The following KCNC1 variants were observed in gnomAD, a reference collection of about 807,000 sequenced individuals.
KCNC1 encodes the protein potassium voltage-gated channel subfamily C member 1, also known as voltage-gated potassium channel KCNC1.
Under a neutral mutation model 43.4 loss-of-function variants are expected in KCNC1, and 8 were observed. The observed-to-expected ratio is 0.18, with a 90% CI of 0.11 to 0.33. The LOEUF (loss-of-function observed/expected upper bound fraction) is 0.33. Among genes scored for constraint, KCNC1 ranks in the 10% least tolerant of loss-of-function variants. The pLI, the probability that KCNC1 is intolerant of heterozygous loss-of-function variation, is 1.00. For missense variants in KCNC1, 420 were observed against 836.0 expected, an observed-to-expected ratio of 0.50 and a Z score of 6.14; for synonymous variants, 361 against 360.5, an observed-to-expected ratio of 1.00 and a Z score of -0.01.
chr11:17,757,694 T>A (rs1849036700), intron 1 of KCNC1, among the ~76,000 whole-genome samples: 1 of 152,252 alleles, frequency 6.6e-6, no homozygotes, highest in African/African-American at 2.4e-5. Flanking sequence ...TCACATATTT[T>A]TTGGTTTCTC....
Position 17,737,445 on chromosome 11 carries a change from CA to C in KCNC1, c.570+874del, listed in dbSNP as rs978575858. ...TCTTCATGGGCCACTCCCCTATAGC[CA>C]TACCAGCTTGTTCCTAGGAAGAAAG... On this transcript the variant is annotated intron_variant, in intron 1 of 3. Coordinates refer to ENST00000265969, the MANE Select transcript of KCNC1 (RefSeq NM_001112741.2). Among the ~76,000 whole-genome samples the C allele has an allele frequency of 6.7e-4, 102 of 152,190 alleles. 1 individual carries two copies. Among genetic ancestry groups the C allele is most frequent in the African/African-American group, 2.3e-3 (95 of 41,524 alleles).
At position 17,736,062 on chromosome 11, in the gene KCNC1, G is replaced by A. The variant is rs993728478; in HGVS notation, c.60G>A (p.Gln20=). 20 of 1,590,722 alleles carry A rather than the reference G, an allele frequency of 1.3e-5. No homozygotes were observed. The African/African-American group carries it at 2.6e-4, about 20-fold the overall frequency. Residue 20 remains glutamine (Q), a synonymous_variant, in exon 1 of 4, where the codon CAG becomes CAA. Transcript: ENST00000265969. The surrounding 1 kb of genome is among the most constrained non-coding windows in gnomAD (Gnocchi z 9.3). ...IVINVGGTRH[Q]TYRSTLRTLP... The stretch of plus-strand genomic sequence containing the variant: ...TCAACGTGGGCGGCACGCGCCACCA[G>A]ACGTACCGCTCGACCCTGCGCACGC...
chr11:17,755,059 G>A (rs1849008853), intron 1 of KCNC1, among the ~76,000 whole-genome samples: 1 of 152,170 alleles, frequency 6.6e-6, no homozygotes, highest in Non-Finnish European at 1.5e-5. Flanking sequence ...TTGAAATAGG[G>A]TGGTCAGAAG....
rs560623869 is a variant in KCNC1, at chr11:17,773,945, G to A, written c.1504+1347G>A. 1.0e-4 allele frequency: 101 copies of A among 985,376 alleles called. No individual in the cohort carries two copies. The highest frequency in any genetic ancestry group is 1.2e-4 in the Admixed American group (2 of 16,270). 61.0% of individuals were successfully genotyped at this position (985,376 alleles called of 1,614,324 possible). A position where few individuals can be genotyped will look rare whatever the true frequency, so the allele number is the denominator to read the frequency against. The stretch of plus-strand genomic sequence containing the variant: ...GCCCCAGGTGGGGAAGTTTCCCCCT[G>A]GTTTGGGTGGCCTCCCCCAGTGGAT... On this transcript the variant is annotated intron_variant, in intron 2 of 3. Transcript: ENST00000265969. The surrounding 1 kb of genome is among the most constrained non-coding windows in gnomAD (Gnocchi z 4.1).
intron 2 of KCNC1, chr11:17,775,281 T>TTCCCACC: frequency 7.5e-6 from 7 of 935,812 alleles, no homozygotes; most frequent in Non-Finnish European, 8.9e-6. Flanking sequence ...TCTGAGGGCA[T>TTCCCACC]CCCTCCCGCC....
chr11:17,776,594 C>T lies in KCNC1; in HGVS notation c.1505-2862C>T, dbSNP rs965922336. 9.1e-6 allele frequency: 9 copies of T among 985,434 alleles called. No individual in the cohort carries two copies. Among genetic ancestry groups the T allele is most frequent in the African/African-American group, 8.7e-5 (5 of 57,366 alleles). The allele number at this position is 985,434 out of a possible 1,614,324, so 61.0% of individuals were successfully genotyped here. A position where few individuals can be genotyped will look rare whatever the true frequency, so the allele number is the denominator to read the frequency against. On this transcript the variant is annotated intron_variant, in intron 2 of 3. Coordinates refer to ENST00000265969, the MANE Select transcript of KCNC1 (RefSeq NM_001112741.2). This position sits in a 1 kb window ranked among gnomAD's most constrained non-coding sequence, Gnocchi z 4.4. ...TCAAGCCTGGAAACCATCTCTGAGA[C>T]GCTGCCCATGCTGCCATTTCATCAC...
intron 1 of KCNC1, among the ~76,000 whole-genome samples, chr11:17,754,566 G>C (rs144899093): frequency 1.4e-3 from 216 of 152,316 alleles, no homozygotes; most frequent in African/African-American, 4.8e-3. Context: ...AGGGAGTGAG[G>C]CAAGTGGACA....
rs1848772518 is a variant in KCNC1 at position 17,736,735 on chromosome 11, C to A, written c.570+163C>A. Among the ~76,000 whole-genome samples, 1 of 152,092 alleles carries A rather than the reference C, an allele frequency of 6.6e-6. No individual in the cohort carries two copies. Among genetic ancestry groups the A allele is most frequent in the Admixed American group, 6.5e-5 (1 of 15,274 alleles). ...ACCAGGGTAAGAGAGGAAGGGTGTC[C>A]GCCGGGGTTCTGGTTTTCTATGTAT... On this transcript the variant is annotated intron_variant, in intron 1 of 3. Transcript: ENST00000265969. The surrounding 1 kb of genome is among the most constrained non-coding windows in gnomAD (Gnocchi z 9.3).
chr11:17,774,074 G>A, intron 2 of KCNC1: 2 of 985,508 alleles, frequency 2.0e-6, no homozygotes, highest in Non-Finnish European at 2.4e-6. Context: ...CTACCCTCAA[G>A]GCCCATTTCT....
chr11:17,781,520 A>C lies in KCNC1; in HGVS notation c.1694-150A>C, dbSNP rs1849346430. On this transcript the variant is annotated intron_variant, in intron 3 of 3. Coordinates refer to ENST00000265969, the MANE Select transcript of KCNC1 (RefSeq NM_001112741.2). This position sits in a 1 kb window ranked among gnomAD's most constrained non-coding sequence, Gnocchi z 5.1. ...GAGGCGTGCTAGGCTGGCTCAGTGC[A>C]TGGGCAAACCAAGCCAGCTGGAGAA... 1 of 638,276 alleles carries C rather than the reference A, an allele frequency of 1.6e-6. No individual in the cohort carries two copies. Among genetic ancestry groups the C allele is most frequent in the African/African-American group, 1.8e-5 (1 of 55,324 alleles). The allele number at this position is 638,276 out of a possible 1,614,324, so 39.5% of individuals were successfully genotyped here. A position where few individuals can be genotyped will look rare whatever the true frequency, so the allele number is the denominator to read the frequency against.
Position 17,739,843 on chromosome 11 carries a change from C to A in KCNC1, c.570+3271C>A, listed in dbSNP as rs2133777897. Among the ~76,000 whole-genome samples the A allele has an allele frequency of 6.6e-6, 1 of 151,972 alleles. No homozygotes were observed. Among genetic ancestry groups the A allele is most frequent in the East Asian group, 1.9e-4 (1 of 5,164 alleles). On this transcript the variant is annotated intron_variant, in intron 1 of 3. Coordinates refer to ENST00000265969, the MANE Select transcript of KCNC1 (RefSeq NM_001112741.2). This position sits in a 1 kb window ranked among gnomAD's most constrained non-coding sequence, Gnocchi z 4.2. ...AGTGTACGTGATGTGTGTGAGAACC[C>A]ACGTGTGTGTCAGTGTGCTGTGTGT...
At position 17,739,695 on chromosome 11, in the gene KCNC1, G is replaced by T. The variant is rs573587070; in HGVS notation, c.570+3123G>T. ...AGTCTGTGTGTGTGTGTGTGTGTGT[G>T]TGTGTGTACATGCGTGTACACATAA... On this transcript the variant is annotated intron_variant, in intron 1 of 3. Coordinates refer to ENST00000265969, the MANE Select transcript of KCNC1 (RefSeq NM_001112741.2). This position sits in a 1 kb window ranked among gnomAD's most constrained non-coding sequence, Gnocchi z 4.2. 6.6e-6 allele frequency among the ~76,000 whole-genome samples: 1 copy of T among 151,866 alleles called. No individual in the cohort carries two copies. The highest frequency in any genetic ancestry group is 6.6e-5 in the Admixed American group (1 of 15,248).
chr11:17,774,710 A>AG (rs1468177816), intron 2 of KCNC1: 9 of 985,236 alleles, frequency 9.1e-6, no homozygotes, highest in Non-Finnish European at 1.1e-5. Flanking sequence ...TGGCTTGGAC[A>AG]GTCTCTGTGG....
chr11:17,781,772 C>T lies in KCNC1; in HGVS notation c.*38C>T. The T allele has an allele frequency of 4.9e-6, 7 of 1,430,950 alleles. No individual in the cohort carries two copies. The highest frequency in any genetic ancestry group is 6.8e-6 in the Non-Finnish European group (7 of 1,036,844). 88.6% of individuals were successfully genotyped at this position (1,430,950 alleles called of 1,614,324 possible). ...GCCGAGGACACTGGTGGCTATTAAG[C>T]ATCTGGGTGGACCTGCAGCCCCTCC... On this transcript the variant is annotated 3_prime_UTR_variant, in exon 4 of 4. Coordinates refer to ENST00000265969, the MANE Select transcript of KCNC1 (RefSeq NM_001112741.2). The surrounding 1 kb of genome is among the most constrained non-coding windows in gnomAD (Gnocchi z 5.1).
chr11:17,769,393 T>C (rs1429031979), intron 1 of KCNC1, among the ~76,000 whole-genome samples: 1 of 146,782 alleles, frequency 6.8e-6, no homozygotes, highest in East Asian at 2.0e-4. Context: ...GGAAGATGAA[T>C]GGATGTATGG....
intron 1 of KCNC1, among the ~76,000 whole-genome samples, chr11:17,762,233 C>G (rs1208890896): frequency 4.6e-5 from 7 of 152,178 alleles, no homozygotes. Flanking sequence ...CTCTGAAGGA[C>G]AATGGTGGTG....
At chr11:17,751,461 G>A (rs922799347) in intron 1 of KCNC1, among the ~76,000 whole-genome samples, 3 of 152,190 alleles carry the variant, frequency 2.0e-5, no homozygotes, top group Admixed American at 1.3e-4. Flanking sequence ...CCTTCAAAGC[G>A]GAAGTCCCAC....
chr11:17,760,378 A>G (rs752249260), intron 1 of KCNC1, among the ~76,000 whole-genome samples: 1 of 152,190 alleles, frequency 6.6e-6, no homozygotes, highest in African/African-American at 2.4e-5. Flanking sequence ...GGATCCTGGT[A>G]TTGCTCCAAG....
intron 1 of KCNC1, among the ~76,000 whole-genome samples, chr11:17,768,617 G>GGT (rs1554991051): frequency 1.3e-5 from 2 of 151,776 alleles, no homozygotes; most frequent in African/African-American, 4.8e-5. Context: ...GTTGGTGGGG[G>GGT]GGGGGGCGGT....
Sources: allele counts gnomAD v4.1 joint callset (sites outside exome capture counted in the v4.1 genomes callset), GRCh38; gene constraint gnomAD v4.1.1; non-coding constraint Gnocchi (gnomAD v3.1); transcripts MANE v1.5; gene names NCBI Gene and HGNC (gene_info 2026-07-23, HGNC 2026-07-21).